SH3TC1: variants seen among roughly 807,000 people sequenced by gnomAD.
SH3TC1 encodes the protein SH3 domain and tetratricopeptide repeats 1, also known as SH3 domain and tetratricopeptide repeat-containing protein 1.
SH3TC1 carries 135 observed loss-of-function variants against 117.3 expected under a neutral mutation model. That is an observed-to-expected ratio of 1.15 (90% CI 1.00 to 1.33). SH3TC1 has a LOEUF of 1.33. SH3TC1 is among the 40% of genes most tolerant of loss of function. The pLI is 0.00. For synonymous variants in SH3TC1, 898 were observed against 816.9 expected, an observed-to-expected ratio of 1.10 and a Z score of -1.69; for missense variants, 2,092 against 1,794.3, an observed-to-expected ratio of 1.17 and a Z score of -3.00.
At chr4:8,216,862 T>C in intron 6 of SH3TC1, 95 bp from the exon 7 acceptor site, 1 of 1,293,140 alleles carries the variant, frequency 7.7e-7, no homozygotes, top group East Asian at 2.3e-5. Flanking sequence ...CCTGTGGGTG[T>C]TGCCTTCGTT....
chr4:8,192,927 G>A lies in SH3TC1; in HGVS notation c.-57+10717G>A, dbSNP rs535690972. ...GTGGAGCAGTGAAGCGGGGCCTGACGTGATGTACCATGTTTCAAGCCTGTT... is the reference window on the plus strand; with the variant it reads ...GTGGAGCAGTGAAGCGGGGCCTGACATGATGTACCATGTTTCAAGCCTGTT... On this transcript the variant is annotated intron_variant, in intron 1 of 16. Transcript: ENST00000508641. The surrounding 1 kb of genome is among the most constrained non-coding windows in gnomAD (Gnocchi z 4.1). 2.0e-5 allele frequency among the ~76,000 whole-genome samples: 3 copies of A among 152,348 alleles called. No individual in the cohort carries two copies. The highest frequency in any genetic ancestry group is 1.9e-4 in the East Asian group (1 of 5,180).
intron 1 of SH3TC1, among the ~76,000 whole-genome samples, chr4:8,199,916 G>A (rs77172198): frequency 0.019 from 2,829 of 152,320 alleles, 50 homozygotes; most frequent in African/African-American, 0.052. Context: ...ACAACCAAAT[G>A]GACCAGCAAC....
rs372631042 is a variant in SH3TC1 at position 8,186,466 on chromosome 4, G to C, written c.-57+4256G>C. Reference sequence around the variant, plus strand: ...TAGGGGAAACTAAGGAAGTCGAGTCGAGTGTGAATTGTGAGTAAAAATAGC... The same window carrying C: ...TAGGGGAAACTAAGGAAGTCGAGTCCAGTGTGAATTGTGAGTAAAAATAGC... On this transcript the variant is annotated intron_variant, in intron 1 of 16. Coordinates refer to the SH3TC1 transcript ENST00000508641. The surrounding 1 kb of genome is among the most constrained non-coding windows in gnomAD (Gnocchi z 5.2). Among the ~76,000 whole-genome samples, 6 of 152,194 alleles carry C rather than the reference G, an allele frequency of 3.9e-5. No homozygotes were observed. In the South Asian group the frequency reaches 1.0e-3, roughly 26 times the overall value.
In SH3TC1 at chr4:8,228,636, A is replaced by G. The variant is rs765042310; in HGVS notation, c.2942A>G (p.His981Arg). The change falls in exon 12 of 18, where the codon CAC (histidine) becomes CGC (arginine). Residue 981 changes from histidine to arginine, a missense_variant. Physicochemically the swap from His to Arg is conservative, Grantham distance 29. Transcript: ENST00000245105. ...CTTCTGGTCGCCGTGGAGATGGGCCACGTGGAGAGTGAGTGCCCCAGTTCC... is the reference window on the plus strand; with the variant it reads ...CTTCTGGTCGCCGTGGAGATGGGCCGCGTGGAGAGTGAGTGCCCCAGTTCC... ...WALLVAVEMG[H>R]VESQLRAVQR... 4.6e-5 allele frequency: 69 copies of G among 1,500,628 alleles called. No individual in the cohort carries two copies. The East Asian group carries it at 1.6e-3, about 35-fold the overall frequency. The allele number at this position is 1,500,628 out of a possible 1,614,324, so 93.0% of individuals were successfully genotyped here.
At chr4:8,219,653 T>C in intron 9 of SH3TC1, 123 bp downstream of exon 9, 1 of 1,092,418 alleles carries the variant, frequency 9.2e-7, no homozygotes, top group Non-Finnish European at 1.2e-6. Flanking sequence ...ATGCCTAGTC[T>C]CTTCCCTTGT....
At position 8,183,420 on chromosome 4, in the gene SH3TC1, G is replaced by T. The variant is rs1717136198; in HGVS notation, c.-57+1210G>T. On this transcript the variant is annotated intron_variant, in intron 1 of 16. Transcript: ENST00000508641. This position sits in a 1 kb window ranked among gnomAD's most constrained non-coding sequence, Gnocchi z 5.4. ...CATCTCTGTGATTAACTCACTCCCT[G>T]TACAGTAGAGGGAGGCGTGGCCCAG... Among the ~76,000 whole-genome samples the T allele has an allele frequency of 6.6e-6, 1 of 152,166 alleles. No individual in the cohort carries two copies. Among genetic ancestry groups the T allele is most frequent in the Admixed American group, 6.5e-5 (1 of 15,282 alleles).
chr4:8,185,413 G>T (rs926593439), intron 1 of SH3TC1, among the ~76,000 whole-genome samples: 3 of 152,054 alleles, frequency 2.0e-5, no homozygotes, highest in Admixed American at 1.3e-4. Context: ...ATGGAGTCAT[G>T]TATCTGTCAT....
At chr4:8,218,491 T>C (rs190297953) in intron 8 of SH3TC1, 144 bp downstream of exon 8, 80 of 574,862 alleles carry the variant, frequency 1.4e-4, no homozygotes, top group South Asian at 9.5e-4. Context: ...TTTTTGTTAT[T>C]GCTTTCAATG....
At chr4:8,182,639 C>T (rs776495536) in intron 1 of SH3TC1, among the ~76,000 whole-genome samples, 4 of 152,174 alleles carry the variant, frequency 2.6e-5, no homozygotes, top group Non-Finnish European at 5.9e-5. Flanking sequence ...CTCAGTTTCC[C>T]CATCTGTAAG....
chr4:8,182,978 G>A (rs977968948), intron 1 of SH3TC1, among the ~76,000 whole-genome samples: 1 of 152,226 alleles, frequency 6.6e-6, no homozygotes, highest in African/African-American at 2.4e-5. Context: ...GGCAGGGACT[G>A]GACGCAGAGG....
chr4:8,219,062 A>C (rs1486412874), intron 8 of SH3TC1, among the ~76,000 whole-genome samples: 1 of 151,938 alleles, frequency 6.6e-6, no homozygotes, highest in East Asian at 1.9e-4. Flanking sequence ...AAAGGAGGAA[A>C]GAGCCTTGGC....
chr4:8,205,445 C>T lies in SH3TC1; in HGVS notation c.172+79C>T. 2.6e-6 allele frequency: 4 copies of T among 1,544,194 alleles called. No individual in the cohort carries two copies. The highest frequency in any genetic ancestry group is 1.2e-5 in the South Asian group (1 of 83,944). The stretch of plus-strand genomic sequence containing the variant: ...CCACCCGCCCCGTCCATCCATCCCT[C>T]ACCACCCTGCCTGCCTCCAGGCCTC... On this transcript the variant is annotated intron_variant, in intron 2 of 17. Transcript: ENST00000245105. The surrounding 1 kb of genome is among the most constrained non-coding windows in gnomAD (Gnocchi z 5.4).
rs1327671886 is a variant in SH3TC1, at chr4:8,186,379, G to A, written c.-57+4169G>A. 5.3e-5 allele frequency among the ~76,000 whole-genome samples: 8 copies of A among 152,230 alleles called. No homozygotes were observed. In the East Asian group the frequency reaches 1.5e-3, roughly 29 times the overall value. On this transcript the variant is annotated intron_variant, in intron 1 of 16. Coordinates refer to the SH3TC1 transcript ENST00000508641. This position sits in a 1 kb window ranked among gnomAD's most constrained non-coding sequence, Gnocchi z 5.2. ...CCGGCCAAAAGGCACCCCAAAAGAC[G>A]AGGTGATGAAACCAGACGTGGTGTC...
In SH3TC1 at chr4:8,225,242, T is replaced by A. The variant is rs1283792535; in HGVS notation, c.1285+26T>A. On this transcript the variant is annotated intron_variant, in intron 11 of 17. Transcript: ENST00000245105. The surrounding 1 kb of genome is among the most constrained non-coding windows in gnomAD (Gnocchi z 5.5). ...GTGGGTTTTGCCAGTGGCTCAGGCT[T>A]CCTCTGGTTATGAGCTGGGCCTTGG... The A allele has an allele frequency of 6.8e-6, 11 of 1,609,638 alleles. No homozygotes were observed. In the Admixed American group the frequency reaches 1.4e-4, roughly 20 times the overall value.
chr4:8,240,335 G>C (rs1341307429), intron 17 of SH3TC1, among the ~76,000 whole-genome samples: 1 of 152,188 alleles, frequency 6.6e-6, no homozygotes, highest in African/African-American at 2.4e-5. Flanking sequence ...GGGAAGCCTG[G>C]GTCACTCAAC....
chr4:8,234,815 C>T (rs886336795), intron 14 of SH3TC1, among the ~76,000 whole-genome samples: 4 of 152,224 alleles, frequency 2.6e-5, no homozygotes, highest in Admixed American at 2.0e-4. Context: ...ATAATGTGGC[C>T]TCTCAGTTAA....
rs1047585403 is a variant in SH3TC1, at chr4:8,207,941, G to A, written c.173-1807G>A. 4.6e-5 allele frequency among the ~76,000 whole-genome samples: 7 copies of A among 152,222 alleles called. No individual in the cohort carries two copies. The East Asian group carries it at 1.3e-3, about 29-fold the overall frequency. ...ATGGCACCTTGTTTGAGAGACTGAA[G>A]AGGAGACCCAGAGCCAGCGACCATG... On this transcript the variant is annotated intron_variant, in intron 2 of 17. Transcript: ENST00000245105.
Position 8,210,318 on chromosome 4 carries a change from C to G in SH3TC1, c.247+496C>G, listed in dbSNP as rs941137908. ...CCCCTTACCCTGGAGACCCCCCAAC[C>G]CCCCGCTGGGGAGGAATGGAGACCC... On this transcript the variant is annotated intron_variant, in intron 3 of 17. Transcript: ENST00000245105. The surrounding 1 kb of genome is among the most constrained non-coding windows in gnomAD (Gnocchi z 4.1). Among the ~76,000 whole-genome samples the G allele has an allele frequency of 1.3e-5, 2 of 152,248 alleles. No individual in the cohort carries two copies. The highest frequency in any genetic ancestry group is 4.8e-5 in the African/African-American group (2 of 41,468).
At chr4:8,211,057 C>G (rs1293423395) in intron 3 of SH3TC1, among the ~76,000 whole-genome samples, 3 of 145,836 alleles carry the variant, frequency 2.1e-5, no homozygotes, top group African/African-American at 7.7e-5. Context: ...TTTCTCTCCC[C>G]TCCCTCCCTC....
Sources: gnomAD v4.1 joint callset for allele counts (sites outside exome capture counted in the v4.1 genomes callset) on GRCh38, gnomAD v4.1.1 for gene constraint, Gnocchi (gnomAD v3.1) non-coding constraint, MANE v1.5 for transcripts, NCBI Gene and HGNC (gene_info 2026-07-23, HGNC 2026-07-21) for gene names.